Variants in C2CD5 observed in about 807,000 individuals in gnomAD.
C2CD5 encodes the protein C2 calcium dependent domain containing 5.
Under a neutral mutation model 130.3 loss-of-function variants are expected in C2CD5, and 109 were observed. The observed-to-expected ratio is 0.84, with a 90% CI of 0.72 to 0.98. The LOEUF (loss-of-function observed/expected upper bound fraction) is 0.98, where lower values mean the gene tolerates loss of function less well. Among genes scored for constraint, C2CD5 ranks in the 50% least tolerant of loss-of-function variants. The pLI is 0.00. For synonymous variants in C2CD5, 454 were observed against 429.2 expected (o/e 1.06, Z -0.71); for missense variants, 996 against 1,261.8 (o/e 0.79, Z 3.19).
chr12:22,472,753 G>A lies in C2CD5; in HGVS notation c.2098C>T (p.Pro700Ser). The A allele has an allele frequency of 1.3e-6, 2 of 1,566,812 alleles. No individual in the cohort carries two copies. The highest frequency in any genetic ancestry group is 1.8e-6 in the Non-Finnish European group (2 of 1,137,532). The part of the protein sequence containing the change: ...DVHSLLTDVP[P>S]PSGFYSCNTE... ...TAACTTTTTTGTTCACCTGAAGGAG[G>A]AGGAACATCAGTAAGTAGAGAATGG... Residue 700 changes from proline (P) to serine (S), a missense_variant, in exon 17 of 27, where the codon CCT (proline) becomes TCT (serine). By Grantham distance (74) the Pro-to-Ser change is moderately conservative. Coordinates refer to ENST00000446597, the MANE Select transcript of C2CD5 (RefSeq NM_001286176.2).
At chr12:22,507,676 A>G (rs1591902492) in intron 9 of C2CD5, among the ~76,000 whole-genome samples, 2 of 152,224 alleles carry the variant, frequency 1.3e-5, no homozygotes, top group South Asian at 2.1e-4. Flanking sequence ...ATTGGATGCA[A>G]GTAAGGAAAA....
At chr12:22,476,801 C>T (rs1425611043) in intron 15 of C2CD5, among the ~76,000 whole-genome samples, 1 of 152,052 alleles carries the variant, frequency 6.6e-6, no homozygotes, top group African/African-American at 2.4e-5. Flanking sequence ...TAAAAAAGTT[C>T]AGCTCATATC....
intron 15 of C2CD5, chr12:22,478,093 G>T: frequency 2.0e-6 from 1 of 505,940 alleles, no homozygotes; most frequent in Non-Finnish European, 3.6e-6. Flanking sequence ...AAAAGTCATA[G>T]GAAGTGGCAA....
At chr12:22,451,464 A>G (rs1938586225) in intron 26 of C2CD5, among the ~76,000 whole-genome samples, 1 of 152,140 alleles carries the variant, frequency 6.6e-6, no homozygotes, top group Admixed American at 6.6e-5. Flanking sequence ...TGGGGGAAAA[A>G]GCTAATGACA....
intron 26 of C2CD5, among the ~76,000 whole-genome samples, chr12:22,450,989 A>AATAT (rs1357336719): frequency 6.6e-6 from 1 of 152,082 alleles, no homozygotes; most frequent in Non-Finnish European, 1.5e-5. Context: ...CACTTATATT[A>AATAT]AACTGGGAGA....
In C2CD5 at chr12:22,535,355, A is replaced by G. The variant is rs1307116940; in HGVS notation, c.91-11T>C. 1.2e-5 allele frequency: 16 copies of G among 1,357,696 alleles called. No homozygotes were observed. The highest frequency in any genetic ancestry group is 1.6e-5 in the Non-Finnish European group (15 of 949,930). 84.1% of individuals were successfully genotyped at this position (1,357,696 alleles called of 1,614,324 possible). On this transcript the variant is annotated splice_polypyrimidine_tract_variant and intron_variant, in intron 2 of 26. Coordinates refer to ENST00000446597, the MANE Select transcript of C2CD5 (RefSeq NM_001286176.2). ...ATTACCAAATTTTACCTAAAAACAA[A>G]TAAGAAATTATTCACATATGAATAT...
chr12:22,535,598 T>C (rs1367397466), intron 2 of C2CD5, among the ~76,000 whole-genome samples: 2 of 152,064 alleles, frequency 1.3e-5, no homozygotes, highest in Non-Finnish European at 2.9e-5. Context: ...CCTCCGTTTC[T>C]AAAGAGCATA....
At chr12:22,543,966 G>A (rs1174067739) in intron 2 of C2CD5, 95 bp downstream of exon 2, 5 of 922,340 alleles carry the variant, frequency 5.4e-6, no homozygotes, top group African/African-American at 1.6e-5. Flanking sequence ...GGGCAGTCGA[G>A]GGGGGAATAG....
intron 24 of C2CD5, 52 bp from the exon 25 acceptor site, chr12:22,457,213 A>G (rs1276269242): frequency 1.6e-6 from 2 of 1,275,756 alleles, no homozygotes; most frequent in Non-Finnish European, 2.2e-6. Flanking sequence ...TGGTAACACA[A>G]TTATTCCCTG....
chr12:22,493,421 G>T, intron 10 of C2CD5, 84 bp from the exon 11 acceptor site: 1 of 661,120 alleles, frequency 1.5e-6, no homozygotes, highest in South Asian at 2.5e-5. Flanking sequence ...AACATACTAT[G>T]GGAAGTAAAG....
intron 19 of C2CD5, among the ~76,000 whole-genome samples, chr12:22,471,709 G>T (rs1943070661): frequency 6.6e-6 from 1 of 151,720 alleles, no homozygotes; most frequent in Admixed American, 6.6e-5. Flanking sequence ...AATATAGTAA[G>T]TTTTTTTAAA....
intron 26 of C2CD5, among the ~76,000 whole-genome samples, chr12:22,453,442 A>C (rs73076607): frequency 1.7e-3 from 264 of 152,334 alleles, no homozygotes; most frequent in Admixed American, 4.3e-3. Flanking sequence ...TTTAAGATTT[A>C]AACTAACTGC....
rs2136474038 is a variant in C2CD5 at position 22,493,245 on chromosome 12, A to T, written c.1240T>A (p.Tyr414Asn). Residue 414 changes from tyrosine (Y) to asparagine (N), a missense_variant, in exon 11 of 27, where the codon TAC becomes AAC. Coordinates refer to ENST00000446597, the MANE Select transcript of C2CD5 (RefSeq NM_001286176.2). ...KALGCHAVVG[Y>N]SESTSICEEV... Reference sequence around the variant, plus strand: ...TACCAGATGCTAGTTGATTCACTGTAGCCCACTACAGCATGACAGCCTAAT... The same window carrying T: ...TACCAGATGCTAGTTGATTCACTGTTGCCCACTACAGCATGACAGCCTAAT... 1 of 1,603,824 alleles carries T rather than the reference A, an allele frequency of 6.2e-7. No individual in the cohort carries two copies. The highest frequency in any genetic ancestry group is 1.1e-5 in the South Asian group (1 of 90,462).
intron 11 of C2CD5, among the ~76,000 whole-genome samples, chr12:22,490,492 A>G (rs1946199227): frequency 6.6e-6 from 1 of 151,896 alleles, no homozygotes; most frequent in Non-Finnish European, 1.5e-5. Flanking sequence ...AAAATATGGC[A>G]AGGCTGAAAG....
intron 3 of C2CD5, among the ~76,000 whole-genome samples, chr12:22,534,277 A>T (rs903159116): frequency 6.6e-6 from 1 of 152,200 alleles, no homozygotes; most frequent in Non-Finnish European, 1.5e-5. Flanking sequence ...TAGGAATTAA[A>T]ACCATAAAAC....
chr12:22,540,013 GAAAA>G (rs1257055700), intron 2 of C2CD5, among the ~76,000 whole-genome samples: 1 of 146,464 alleles, frequency 6.8e-6, no homozygotes, highest in Non-Finnish European at 1.5e-5. Context: ...AAAAAAAAGA[GAAAA>G]AAAACCCTAC....
chr12:22,497,282 C>T (rs1947140315), intron 10 of C2CD5, among the ~76,000 whole-genome samples: 2 of 151,938 alleles, frequency 1.3e-5, no homozygotes, highest in Admixed American at 1.3e-4. Flanking sequence ...AAAACAGCTA[C>T]CCGAGAGAAC....
intron 10 of C2CD5, among the ~76,000 whole-genome samples, chr12:22,495,525 C>G (rs920988822): frequency 5.0e-4 from 75 of 151,376 alleles, no homozygotes; most frequent in African/African-American, 1.7e-3. Flanking sequence ...AAACCAAACA[C>G]TATGAAAGAA....
intron 8 of C2CD5, chr12:22,515,047 A>G: frequency 1.0e-6 from 1 of 985,258 alleles, no homozygotes; most frequent in Non-Finnish European, 1.2e-6. Flanking sequence ...GGGTAAGGCT[A>G]GATTCCGAGA....
Sources: allele counts gnomAD v4.1 joint callset (sites outside exome capture counted in the v4.1 genomes callset), GRCh38; gene constraint gnomAD v4.1.1; transcripts MANE v1.5; gene names NCBI Gene and HGNC (gene_info 2026-07-23, HGNC 2026-07-21).